Variants in LIN7A observed in about 807,000 individuals in gnomAD.
The protein encoded by LIN7A is lin-7 cell polarity scaffold A.
A neutral mutation model predicts 29.8 loss-of-function variants in LIN7A; 25 were observed. The ratio of observed to expected loss-of-function variants is 0.84; its 90% CI spans 0.61 to 1.17. The LOEUF is 1.17. Among genes scored for constraint, LIN7A ranks in the 50% most tolerant of loss-of-function variants. The pLI, the probability that LIN7A is intolerant of heterozygous loss-of-function variation, is 0.00. For missense variants in LIN7A, 239 were observed against 287.0 expected (o/e 0.83, Z 1.21); for synonymous variants, 118 against 107.5 (o/e 1.10, Z -0.60).
intron 1 of LIN7A, 89 bp from the exon 2 acceptor site, chr12:80,889,458 T>A (rs1875514074): frequency 9.8e-6 from 8 of 816,620 alleles, no homozygotes; most frequent in Admixed American, 2.3e-5. Context: ...GATGATGACA[T>A]TGAAAAGCAA....
intron 2 of LIN7A, among the ~76,000 whole-genome samples, chr12:80,854,486 C>CAAAAAAAAAAAAA (rs34687099): frequency 9.2e-6 from 1 of 108,936 alleles, no homozygotes; most frequent in Non-Finnish European, 1.6e-5. Context: ...GTTGCTAAGC[C>CAAAAAAAAAAAAA]AAAAAAAAAA....
At chr12:80,855,317 G>A (rs1420538233) in intron 2 of LIN7A, among the ~76,000 whole-genome samples, 1 of 151,990 alleles carries the variant, frequency 6.6e-6, no homozygotes, top group Admixed American at 6.6e-5. Context: ...TTCTTAAAAA[G>A]CAAGTAAGAA....
intron 1 of LIN7A, among the ~76,000 whole-genome samples, chr12:80,904,392 A>C (rs893116678): frequency 1.3e-5 from 2 of 152,096 alleles, no homozygotes; most frequent in Non-Finnish European, 2.9e-5. Flanking sequence ...TTTAATGATA[A>C]ATTTCTTAAA....
intron 1 of LIN7A, among the ~76,000 whole-genome samples, chr12:80,901,135 A>G (rs1042441233): frequency 4.6e-5 from 7 of 152,144 alleles, no homozygotes; most frequent in African/African-American, 1.7e-4. Context: ...AGTACACTAG[A>G]AGTACAGCTG....
rs1399717770 is a variant in LIN7A at position 80,889,450 on chromosome 12, T to A, written c.83-81A>T. 7 of 853,332 alleles carry A rather than the reference T, an allele frequency of 8.2e-6. No individual in the cohort carries two copies. The Admixed American group carries it at 1.3e-4, about 16-fold the overall frequency. The allele number at this position is 853,332 out of a possible 1,614,324, so 52.9% of individuals were successfully genotyped here. A position where few individuals can be genotyped will look rare whatever the true frequency, so the allele number is the denominator to read the frequency against. On this transcript the variant is annotated intron_variant, in intron 1 of 5. Transcript: ENST00000552864. ...TGAAAGTACTATTATTCCAGTTGGATGATGACATTGAAAAGCAAGTGGACT... is the reference window on the plus strand; with the variant it reads ...TGAAAGTACTATTATTCCAGTTGGAAGATGACATTGAAAAGCAAGTGGACT...
intron 2 of LIN7A, among the ~76,000 whole-genome samples, chr12:80,855,325 G>C (rs557494760): frequency 6.6e-6 from 1 of 152,164 alleles, no homozygotes; most frequent in African/African-American, 2.4e-5. Context: ...AAGCAAGTAA[G>C]AATGGTTTTT....
intron 2 of LIN7A, among the ~76,000 whole-genome samples, chr12:80,882,113 A>AT (rs1211704741): frequency 2.0e-5 from 3 of 151,882 alleles, no homozygotes; most frequent in Admixed American, 6.6e-5. Flanking sequence ...AAAATATTGC[A>AT]TTTTTTGAAT....
At chr12:80,895,294 T>C (rs1875827226) in intron 1 of LIN7A, among the ~76,000 whole-genome samples, 1 of 152,086 alleles carries the variant, frequency 6.6e-6, no homozygotes. Flanking sequence ...AAGAATAAAA[T>C]ATTGGAACTT....
intron 1 of LIN7A, among the ~76,000 whole-genome samples, chr12:80,905,505 T>C (rs562623977): frequency 2.0e-5 from 3 of 152,308 alleles, no homozygotes; most frequent in Non-Finnish European, 2.9e-5. Flanking sequence ...ATATAATATA[T>C]ATGCTAAAGC....
chr12:80,867,302 C>T (rs1874192654), intron 2 of LIN7A, among the ~76,000 whole-genome samples: 1 of 152,124 alleles, frequency 6.6e-6, no homozygotes, highest in Non-Finnish European at 1.5e-5. Context: ...CTTGGACTTC[C>T]ACTCATGCCC....
intron 3 of LIN7A, 179 bp downstream of exon 3, chr12:80,848,072 C>G (rs543882431): frequency 1.5e-6 from 1 of 687,348 alleles, no homozygotes; most frequent in Non-Finnish European, 2.7e-6. Context: ...GCAGCAGAAA[C>G]GTTCAATTTT....
chr12:80,891,118 G>A lies in LIN7A; in HGVS notation c.83-1749C>T, dbSNP rs540203501. The stretch of plus-strand genomic sequence containing the variant: ...GGCAAGTGCGGTAGATTCTATCTTG[G>A]AATTGCCTTTTGTAAAGAGCCCTAT... On this transcript the variant is annotated intron_variant, in intron 1 of 5. Coordinates refer to ENST00000552864, the MANE Select transcript of LIN7A (RefSeq NM_004664.4). 5.3e-5 allele frequency among the ~76,000 whole-genome samples: 8 copies of A among 152,244 alleles called. No individual in the cohort carries two copies. The South Asian group carries it at 1.7e-3, about 32-fold the overall frequency.
intron 2 of LIN7A, among the ~76,000 whole-genome samples, chr12:80,878,456 T>G (rs7968077): frequency 0.023 from 3,505 of 152,308 alleles, 122 homozygotes; most frequent in African/African-American, 0.08. Context: ...TTCCTGCTGG[T>G]GGGTTTGTGG....
At chr12:80,809,332 T>TTTG (rs761511055) in intron 5 of LIN7A, among the ~76,000 whole-genome samples, 22 of 152,332 alleles carry the variant, frequency 1.4e-4, no homozygotes, top group Admixed American at 5.2e-4. Context: ...AATATTTCTG[T>TTTG]TTGTGCAAAT....
intron 4 of LIN7A, among the ~76,000 whole-genome samples, chr12:80,844,754 G>A (rs1049679850): frequency 1.4e-5 from 2 of 144,098 alleles, no homozygotes; most frequent in Admixed American, 1.4e-4. Context: ...ACAAGTGGAA[G>A]TGGTGGCATC....
chr12:80,877,404 G>A (rs895847756), intron 2 of LIN7A, among the ~76,000 whole-genome samples: 1 of 152,092 alleles, frequency 6.6e-6, no homozygotes, highest in Non-Finnish European at 1.5e-5. Flanking sequence ...CAGCATTATA[G>A]TAAGTGAAAG....
chr12:80,906,836 A>G (rs1876502483), intron 1 of LIN7A, among the ~76,000 whole-genome samples: 1 of 152,124 alleles, frequency 6.6e-6, no homozygotes, highest in Non-Finnish European at 1.5e-5. Flanking sequence ...ATCGGAAAAA[A>G]ACAAAGCAAA....
chr12:80,894,493 C>T (rs1301195276), intron 1 of LIN7A, among the ~76,000 whole-genome samples: 1 of 152,102 alleles, frequency 6.6e-6, no homozygotes, highest in Non-Finnish European at 1.5e-5. Flanking sequence ...GAATGGTGCA[C>T]AATTTAAAAT....
intron 1 of LIN7A, among the ~76,000 whole-genome samples, chr12:80,934,112 T>C (rs934690404): frequency 1.3e-5 from 2 of 152,184 alleles, no homozygotes; most frequent in Admixed American, 1.3e-4. Context: ...CTGGTATTCC[T>C]CCAGCATCTT....
Sources: gnomAD v4.1 joint callset for allele counts (sites outside exome capture counted in the v4.1 genomes callset) on GRCh38, gnomAD v4.1.1 for gene constraint, MANE v1.5 for transcripts, NCBI Gene and HGNC (gene_info 2026-07-23, HGNC 2026-07-21) for gene names.